SERPINI2: variants seen among roughly 807,000 people sequenced by gnomAD.
The protein encoded by SERPINI2 is serpin I2.
Under a neutral mutation model 47.3 loss-of-function variants are expected in SERPINI2, and 48 were observed. The observed-to-expected ratio is 1.02, with a 90% CI of 0.81 to 1.29. SERPINI2 has a LOEUF of 1.29. Among genes scored for constraint, SERPINI2 ranks in the 50% most tolerant of loss-of-function variants. The pLI is 0.00. For missense variants in SERPINI2, 448 were observed against 456.9 expected (o/e 0.98, Z 0.18); for synonymous variants, 135 against 149.3 (o/e 0.90, Z 0.70).
chr3:167,449,238 C>G, intron 7 of SERPINI2, 78 bp downstream of exon 7: 1 of 988,936 alleles, frequency 1.0e-6, no homozygotes, highest in Non-Finnish European at 1.6e-6. Context: ...GAGTACAATA[C>G]TTCAAAAGGG....
At chr3:167,471,671 A>T (rs1419671654) in exon 2 of SERPINI2, 1 of 1,613,626 alleles carries the variant, frequency 6.2e-7, no homozygotes, top group African/African-American at 1.3e-5. Flanking sequence ...CATCTCAAGA[A>T]CCAAAGTTAT....
Position 167,449,404 on chromosome 3 carries a change from T to C in SERPINI2, c.965-2A>G, listed in dbSNP as rs781685870. ...GGGAAACATACACTTCAGATGAATC[T>C]GGTTAAAAAAAAATACACAAAAGTG... is the stretch of plus-strand genomic sequence containing the variant. On this transcript the variant is annotated splice_acceptor_variant, in intron 6 of 8. Coordinates refer to ENST00000264677, the Ensembl canonical transcript of SERPINI2. LOFTEE classifies it high-confidence loss of function. 1 of 1,590,016 alleles carries C rather than the reference T, an allele frequency of 6.3e-7. No homozygotes were observed.
upstream of SERPINI2, among the ~76,000 whole-genome samples, chr3:167,476,456 T>C (rs192532927): frequency 6.6e-6 from 1 of 152,140 alleles, no homozygotes; most frequent in East Asian, 1.9e-4. Context: ...TAATTCCTTT[T>C]ACAGAAGAAG....
exon 2 of SERPINI2, chr3:167,471,600 C>T: frequency 6.2e-7 from 1 of 1,613,304 alleles, no homozygotes; most frequent in South Asian, 1.1e-5. Context: ...GCTGAGGTTT[C>T]CTGTTGTTTT....
chr3:167,472,325 C>T (rs1750353267), intron 1 of SERPINI2, among the ~76,000 whole-genome samples: 1 of 151,992 alleles, frequency 6.6e-6, no homozygotes, highest in Admixed American at 6.6e-5. Flanking sequence ...TTAATGTATT[C>T]TAAAGCAACT....
At position 167,449,199 on chromosome 3, in the gene SERPINI2, G is replaced by A. The variant is rs1749569322; in HGVS notation, c.1051+117C>T. ...ACCATTTCCTTTTTTTCCTCCTGAAGTGTATTAGACAGCAGAAGAGAAAAA... is the reference window on the plus strand; with the variant it reads ...ACCATTTCCTTTTTTTCCTCCTGAAATGTATTAGACAGCAGAAGAGAAAAA... On this transcript the variant is annotated intron_variant, in intron 7 of 8. Transcript: ENST00000264677. The A allele has an allele frequency of 5.6e-6, 4 of 709,474 alleles. No homozygotes were observed. In the Admixed American group the frequency reaches 7.7e-5, roughly 14 times the overall value. 43.9% of individuals were successfully genotyped at this position (709,474 alleles called of 1,614,324 possible).
At chr3:167,470,520 G>C (rs1469063019) in intron 2 of SERPINI2, among the ~76,000 whole-genome samples, 1 of 142,332 alleles carries the variant, frequency 7.0e-6, no homozygotes, top group Admixed American at 7.0e-5. Context: ...GAAACTGAGA[G>C]CATGAGATAG....
At chr3:167,476,243 G>A (rs2108179219), upstream of SERPINI2, among the ~76,000 whole-genome samples, 1 of 151,982 alleles carries the variant, frequency 6.6e-6, no homozygotes, top group African/African-American at 2.4e-5. Context: ...GTTCTGTTAA[G>A]AGTTGACAGG....
Position 167,449,422 on chromosome 3 carries a change from CAAAA to C in SERPINI2, c.965-24_965-21del. On this transcript the variant is annotated intron_variant, in intron 6 of 8. Transcript: ENST00000264677. Reference sequence around the variant, plus strand: ...ATGAATCTGGTTAAAAAAAAATACACAAAAGTGTATTTAAGAGTTAAAATCAAAA... The same window carrying C: ...ATGAATCTGGTTAAAAAAAAATACACGTGTATTTAAGAGTTAAAATCAAAA... The C allele has an allele frequency of 2.7e-6, 4 of 1,498,214 alleles. No individual in the cohort carries two copies. The highest frequency in any genetic ancestry group is 3.7e-6 in the Non-Finnish European group (4 of 1,081,184). 92.8% of individuals were successfully genotyped at this position (1,498,214 alleles called of 1,614,324 possible).
intron 2 of SERPINI2, among the ~76,000 whole-genome samples, chr3:167,471,290 C>G (rs778345536): frequency 6.6e-6 from 1 of 151,950 alleles, no homozygotes; most frequent in East Asian, 1.9e-4. Flanking sequence ...CACACATGCA[C>G]GCCCAGTATA....
At chr3:167,445,182 T>C (rs1341078578) in intron 8 of SERPINI2, among the ~76,000 whole-genome samples, 1 of 152,160 alleles carries the variant, frequency 6.6e-6, no homozygotes, top group Non-Finnish European at 1.5e-5. Flanking sequence ...TCAGCATTAG[T>C]TTCATGGAGC....
At chr3:167,467,336 C>A in intron 2 of SERPINI2, 51 bp from the exon 3 acceptor site, 1 of 1,295,808 alleles carries the variant, frequency 7.7e-7, no homozygotes, top group East Asian at 2.4e-5. Context: ...ATAAAAACAA[C>A]AGCTTTTCAG....
chr3:167,464,313 C>A (rs372049631), intron 5 of SERPINI2, among the ~76,000 whole-genome samples: 12 of 152,184 alleles, frequency 7.9e-5, no homozygotes, highest in African/African-American at 2.9e-4. Context: ...CATGCCTGGC[C>A]AGGAGTGGCT....
exon 2 of SERPINI2, chr3:167,471,819 A>T (rs17246389): frequency 1.9e-6 from 3 of 1,609,530 alleles, no homozygotes; most frequent in Non-Finnish European, 2.6e-6. Context: ...AGACTCCACA[A>T]GAAGATTGTG....
chr3:167,443,697 C>A (rs1258155090), intron 8 of SERPINI2, among the ~76,000 whole-genome samples: 1 of 152,028 alleles, frequency 6.6e-6, no homozygotes, highest in Admixed American at 6.5e-5. Flanking sequence ...TAATTGAGGA[C>A]AATATCTTAA....
At position 167,473,911 on chromosome 3, in the gene SERPINI2, T is replaced by C. The variant is rs1577181107; in HGVS notation, c.-11+92A>G. ...CAAATGATTTTTACACCAAAGTAAA[T>C]TGAAATGCCATTCCATACTCTACTA... On this transcript the variant is annotated intron_variant, in intron 1 of 8. Coordinates refer to ENST00000264677, the Ensembl canonical transcript of SERPINI2. 6.8e-6 allele frequency: 8 copies of C among 1,173,566 alleles called. 1 individual carries two copies. In the East Asian group the frequency reaches 1.9e-4, roughly 28 times the overall value. 72.7% of individuals were successfully genotyped at this position (1,173,566 alleles called of 1,614,324 possible).
At chr3:167,459,068 G>GTTTTTTTT (rs1191963816) in intron 5 of SERPINI2, among the ~76,000 whole-genome samples, 2 of 144,498 alleles carry the variant, frequency 1.4e-5, no homozygotes, top group African/African-American at 5.5e-5. Flanking sequence ...ACCAAAGGAA[G>GTTTTTTTT]TTTTTTTTTG....
chr3:167,441,966 A>C, exon 9 of SERPINI2: 3 of 553,088 alleles, frequency 5.4e-6, no homozygotes, highest in Non-Finnish European at 9.0e-6. Context: ...TTACTTATTC[A>C]TCAAGACAGA....
Position 167,455,602 on chromosome 3 carries a change from A to AAAAAAAG in SERPINI2, c.867-2570_867-2569insCTTTTTT, listed in dbSNP as rs550087959. Among the ~76,000 whole-genome samples, 336 of 150,940 alleles carry AAAAAAAG rather than the reference A, an allele frequency of 2.2e-3. 2 individuals carry two copies. Among genetic ancestry groups the AAAAAAAG allele is most frequent in the African/African-American group, 7.5e-3 (310 of 41,078 alleles). ...AAAGAAATACGAGTCTCAAAAAAAA[A>AAAAAAAG]AAAAGAAAAGAAAAGAAAAGAAAAG... is the stretch of plus-strand genomic sequence containing the variant. On this transcript the variant is annotated intron_variant, in intron 5 of 8. Transcript: ENST00000264677.
Sources: gnomAD v4.1 joint callset for allele counts (sites outside exome capture counted in the v4.1 genomes callset) on GRCh38, gnomAD v4.1.1 for gene constraint, MANE v1.5 for transcripts, NCBI Gene and HGNC (gene_info 2026-07-23, HGNC 2026-07-21) for gene names.